TRPM5: variants seen among roughly 807,000 people sequenced by gnomAD.
TRPM5 encodes MLSN1 and TRP-related.
Under a neutral mutation model 124.9 loss-of-function variants are expected in TRPM5, and 121 were observed. The observed-to-expected ratio is 0.97, with a 90% CI of 0.84 to 1.13. TRPM5 has a LOEUF of 1.13. TRPM5 is among the 50% of genes most tolerant of loss of function. TRPM5 has a pLI of 0.00. For missense variants in TRPM5, 1,643 were observed against 1,589.1 expected, an observed-to-expected ratio of 1.03 and a Z score of -0.58; for synonymous variants, 781 against 700.5, an observed-to-expected ratio of 1.11 and a Z score of -1.81.
intron 12 of TRPM5, 86 bp from the exon 18 acceptor site, chr11:2,413,674 C>A (rs1303074899): frequency 2.3e-6 from 3 of 1,304,592 alleles, no homozygotes; most frequent in Admixed American, 2.2e-5. Flanking sequence ...CCCCCAGGTG[C>A]CTGGCCCACG....
At chr11:2,444,291 C>T in the TRPM5 span, among the ~76,000 whole-genome samples, 6 of 151,904 alleles carry the variant, frequency 3.9e-5, no homozygotes, top group African/African-American at 1.5e-4. Flanking sequence ...CCAGCACACC[C>T]TCACCCAGGA....
rs752522660 is a variant in TRPM5 at position 2,406,066 on chromosome 11, C to G, written c.3277G>C (p.Gly1093Arg). Residue 1093 changes from glycine (G) to arginine (R), a missense_variant, in exon 22 of 24, where the codon GGG becomes CGG. Physicochemically the swap from Gly to Arg is moderately radical, Grantham distance 125. Coordinates refer to ENST00000155858, the Ensembl canonical transcript of TRPM5. ...CGCTTTTCTTGCTCTCTCAGACCCC[C>G]GAGGTACTTGGCAATGAAGTCCACT... The G allele has an allele frequency of 1.9e-6, 3 of 1,612,044 alleles. No individual in the cohort carries two copies. The African/African-American group carries it at 4.0e-5, about 22-fold the overall frequency.
At chr11:2,404,632 G>A (rs1451186792) in exon 24 of TRPM5, 4 of 369,550 alleles carry the variant, frequency 1.1e-5, no homozygotes, top group Non-Finnish European at 2.0e-5. Flanking sequence ...CACAGGGCCA[G>A]CTTTTCCACA....
At chr11:2,413,267 C>G (rs780286211) in intron 13 of TRPM5, 41 bp from the exon 19 acceptor site, 1 of 1,493,384 alleles carries the variant, frequency 6.7e-7, no homozygotes, top group Non-Finnish European at 8.9e-7. Context: ...GGAAGGGCTC[C>G]CAGAGGCGCC....
chr11:2,407,955 A>G (rs781127943), intron 18 of TRPM5, 43 bp from the exon 24 acceptor site: 8 of 1,602,958 alleles, frequency 5.0e-6, no homozygotes, highest in Non-Finnish European at 6.8e-6. Flanking sequence ...GGGGGCAGCC[A>G]CAAGGGCGGC....
exon 18 of TRPM5, chr11:2,411,525 A>G (rs1290360561): frequency 6.2e-7 from 1 of 1,608,390 alleles, no homozygotes; most frequent in Non-Finnish European, 8.5e-7. Context: ...GACGTCCTTC[A>G]TCTCCACGGG....
In TRPM5 at chr11:2,415,066, G is replaced by A. The variant is rs1338592198; in HGVS notation, c.1480-19C>T. ...CCTTCTCCTGGAGGACACGGGCGTC[G>A]GCCTCCTGCTGCGGCCCCAGCCTCG... On this transcript the variant is annotated intron_variant, in intron 9 of 23. Transcript: ENST00000155858. 8 of 1,594,004 alleles carry A rather than the reference G, an allele frequency of 5.0e-6. No individual in the cohort carries two copies. The highest frequency in any genetic ancestry group is 3.3e-4 in the Middle Eastern group (2 of 6,030).
At chr11:2,417,907 G>C in intron 6 of TRPM5, 78 bp from the exon 12 acceptor site, 1 of 1,356,522 alleles carries the variant, frequency 7.4e-7, no homozygotes, top group Non-Finnish European at 1.0e-6. Flanking sequence ...AGACACCAGC[G>C]TAGGCACAGG....
Position 2,404,750 on chromosome 11 carries a change from G to A in TRPM5, c.*187C>T. The A allele has an allele frequency of 5.3e-6, 3 of 568,606 alleles. No individual in the cohort carries two copies. The South Asian group carries it at 6.5e-5, about 12-fold the overall frequency. The allele number at this position is 568,606 out of a possible 1,614,324, so 35.2% of individuals were successfully genotyped here. A position where few individuals can be genotyped will look rare whatever the true frequency, so the allele number is the denominator to read the frequency against. ...CCCATGACACTGCTGTGCCTCCGGG[G>A]AGGCCAGGAGGGACAAGGAGCGGTT... On this transcript the variant is annotated 3_prime_UTR_variant, in exon 24 of 24. Coordinates refer to ENST00000155858, the Ensembl canonical transcript of TRPM5.
the TRPM5 span, among the ~76,000 whole-genome samples, chr11:2,438,424 G>C: frequency 6.6e-5 from 10 of 152,208 alleles, no homozygotes; most frequent in African/African-American, 2.2e-4. This position sits in a 1 kb window ranked among gnomAD's most constrained non-coding sequence, Gnocchi z 5.9. Flanking sequence ...TAGCATTTTG[G>C]GAGGCTGAAG....
At position 2,413,542 on chromosome 11, in the gene TRPM5, G is replaced by T. The variant is rs74570003; in HGVS notation, c.1937C>A (p.Pro646His). ...GAAGGCTCCTAGCAGCCGCAGGATGGGCGTGCCTGCGGCCATGTCCCCCCA... is the reference window on the plus strand; with the variant it reads ...GAAGGCTCCTAGCAGCCGCAGGATGTGCGTGCCTGCGGCCATGTCCCCCCA... Residue 646 changes from proline (P) to histidine (H), a missense_variant, in exon 13 of 24, where the codon CCC (proline) becomes CAC (histidine). Coordinates refer to ENST00000155858, the Ensembl canonical transcript of TRPM5. 1.0e-4 allele frequency: 167 copies of T among 1,612,552 alleles called. 1 individual carries two copies. In the East Asian group the frequency reaches 3.6e-3, roughly 35 times the overall value.
chr11:2,417,718 C>A lies in TRPM5; in HGVS notation c.1009+9G>T, dbSNP rs373218369. On this transcript the variant is annotated intron_variant, in intron 7 of 23. Transcript: ENST00000155858. ...TGGCGCCTGCCTTGCCCACCCTGCC[C>A]GCCCTCACCTTTCACCAGCGCCTTC... 4 of 1,524,844 alleles carry A rather than the reference C, an allele frequency of 2.6e-6. No homozygotes were observed. The highest frequency in any genetic ancestry group is 2.4e-5 in the South Asian group (2 of 85,068). 94.5% of individuals were successfully genotyped at this position (1,524,844 alleles called of 1,614,324 possible).
At chr11:2,411,834 C>T (rs1850458421) in intron 16 of TRPM5, 67 bp from the exon 22 acceptor site, 2 of 1,588,372 alleles carry the variant, frequency 1.3e-6, no homozygotes, top group African/African-American at 1.3e-5. Flanking sequence ...CAGGGGCACA[C>T]AGCATGCTGG....
At chr11:2,432,390 C>T in the TRPM5 span, among the ~76,000 whole-genome samples, 3 of 152,236 alleles carry the variant, frequency 2.0e-5, no homozygotes, top group Admixed American at 6.5e-5. Flanking sequence ...CCTGCCCCCA[C>T]GGGGCCTCTA....
upstream of TRPM5, among the ~76,000 whole-genome samples, chr11:2,423,392 G>C (rs1031258884): frequency 4.6e-5 from 7 of 152,186 alleles, no homozygotes; most frequent in African/African-American, 2.4e-5. Flanking sequence ...TTTCTCCAGA[G>C]GCCTTTTGTG....
rs779843005 is a variant in TRPM5, at chr11:2,407,191, G to T, written c.3046C>A (p.Leu1016Met). 5 of 1,611,460 alleles carry T rather than the reference G, an allele frequency of 3.1e-6. No individual in the cohort carries two copies. In the South Asian group the frequency reaches 5.5e-5, roughly 18 times the overall value. The stretch of plus-strand genomic sequence containing the variant: ...AGCGTCAGGCTCAGGTGGCTGAGCA[G>T]GATGAAGGGCGGGGCCAGGGCGGGG... The change falls in exon 20 of 24, where the codon CTG becomes ATG. Residue 1016 changes from leucine to methionine, a missense_variant. Physicochemically the swap from Leu to Met is conservative, Grantham distance 15. Transcript: ENST00000155858.
At position 2,411,332 on chromosome 11, in the gene TRPM5, C is replaced by A; in HGVS notation, c.2782+20G>T. ...GCTCCAATTTCTCCCTGCCCCTGCC[C>A]CCGCTGGCTGTGTGCAAACCATCAA... is the stretch of plus-strand genomic sequence containing the variant. On this transcript the variant is annotated intron_variant, in intron 18 of 23. Transcript: ENST00000155858. The A allele has an allele frequency of 1.3e-6, 2 of 1,552,888 alleles. No homozygotes were observed. Among genetic ancestry groups the A allele is most frequent in the South Asian group, 2.3e-5 (2 of 85,264 alleles).
chr11:2,434,278 G>A, the TRPM5 span, among the ~76,000 whole-genome samples: 1 of 151,524 alleles, frequency 6.6e-6, no homozygotes. Flanking sequence ...TGTGGACACT[G>A]TGTGACTGCA....
intron 2 of TRPM5, among the ~76,000 whole-genome samples, chr11:2,421,471 C>A (rs574638221): frequency 6.6e-6 from 1 of 152,332 alleles, no homozygotes; most frequent in Non-Finnish European, 1.5e-5. Context: ...TCCAGTCCCC[C>A]CACCGTGCTC....
Sources: gnomAD v4.1 joint callset for allele counts (sites outside exome capture counted in the v4.1 genomes callset) on GRCh38, gnomAD v4.1.1 for gene constraint, Gnocchi (gnomAD v3.1) non-coding constraint, MANE v1.5 for transcripts, NCBI Gene and HGNC (gene_info 2026-07-23, HGNC 2026-07-21) for gene names.